Variants in ALK observed in about 807,000 individuals in gnomAD.
ALK encodes ALK receptor tyrosine kinase.
Under a neutral mutation model 163.1 loss-of-function variants are expected in ALK, and 74 were observed. The observed-to-expected ratio is 0.45, with a 90% CI of 0.38 to 0.55. The LOEUF (loss-of-function observed/expected upper bound fraction) is 0.55, where lower values mean the gene tolerates loss of function less well. Among genes scored for constraint, ALK ranks in the 20% least tolerant of loss-of-function variants. The pLI is 0.00. For synonymous variants in ALK, 960 were observed against 843.2 expected, an observed-to-expected ratio of 1.14 and a Z score of -2.40; for missense variants, 2,063 against 2,105.3, an observed-to-expected ratio of 0.98 and a Z score of 0.39.
intron 2 of ALK, among the ~76,000 whole-genome samples, chr2:29,701,997 A>G (rs1405552397): frequency 6.6e-6 from 1 of 152,060 alleles, no homozygotes; most frequent in African/African-American, 2.4e-5. Context: ...AGCCACAGAC[A>G]TGGACATGTC....
At chr2:29,914,675 C>T (rs1667786169) in intron 1 of ALK, among the ~76,000 whole-genome samples, 3 of 152,176 alleles carry the variant, frequency 2.0e-5, no homozygotes. Flanking sequence ...AATGATAAAG[C>T]TGGGCCTCAA....
chr2:29,358,383 A>C (rs1668302506), intron 5 of ALK, among the ~76,000 whole-genome samples: 1 of 152,228 alleles, frequency 6.6e-6, no homozygotes, highest in Non-Finnish European at 1.5e-5. Context: ...AGATGGAGAA[A>C]ACATCAGGTA....
rs1224362457 is a variant in ALK at position 29,532,067 on chromosome 2, C to G, written c.1002G>C (p.Leu334=). Residue 334 remains leucine, a synonymous_variant, in exon 4 of 29, where the codon CTG becomes CTC. Coordinates refer to ENST00000389048, the MANE Select transcript of ALK (RefSeq NM_004304.5). ...CACTGCTGCTCCTCATCCACGGACT[C>G]AGGATGGTGTGCTTGGAGTCAGCTG... ...NTSADSKHTI[L]SPWMRSSSEH... 6.2e-7 allele frequency: 1 copy of G among 1,613,940 alleles called. No individual in the cohort carries two copies. Among genetic ancestry groups the G allele is most frequent in the East Asian group, 2.2e-5 (1 of 44,836 alleles).
intron 1 of ALK, among the ~76,000 whole-genome samples, chr2:29,743,313 A>T (rs1324104712): frequency 6.6e-6 from 1 of 152,212 alleles, no homozygotes; most frequent in Non-Finnish European, 1.5e-5. Context: ...ATGATGTTCG[A>T]CTTGGAAACC....
intron 4 of ALK, among the ~76,000 whole-genome samples, chr2:29,445,881 C>T (rs532693981): frequency 6.6e-6 from 1 of 151,182 alleles, no homozygotes; most frequent in East Asian, 2.0e-4. Context: ...GGGCGGATCA[C>T]GAGGTCAGGA....
intron 5 of ALK, among the ~76,000 whole-genome samples, chr2:29,361,765 G>A (rs1395042361): frequency 6.6e-6 from 1 of 152,184 alleles, no homozygotes; most frequent in African/African-American, 2.4e-5. Flanking sequence ...GGTTGGCCAC[G>A]TGATCCTTGT....
intron 4 of ALK, among the ~76,000 whole-genome samples, chr2:29,384,723 G>A (rs1374653076): frequency 6.6e-6 from 1 of 151,964 alleles, no homozygotes. Context: ...AAATTACCTA[G>A]ATTATTTGAT....
chr2:29,238,671 C>T (rs1228013471), intron 13 of ALK, among the ~76,000 whole-genome samples: 2 of 152,184 alleles, frequency 1.3e-5, no homozygotes, highest in Non-Finnish European at 2.9e-5. Flanking sequence ...AGACCAGTCA[C>T]TCTCCCCACA....
intron 4 of ALK, among the ~76,000 whole-genome samples, chr2:29,510,279 C>T (rs891056818): frequency 6.6e-6 from 1 of 152,136 alleles, no homozygotes; most frequent in Non-Finnish European, 1.5e-5. Context: ...ATTCTTAAGT[C>T]CCCTTAAGAG....
intron 1 of ALK, among the ~76,000 whole-genome samples, chr2:29,888,141 G>A (rs1462174930): frequency 1.3e-5 from 2 of 151,930 alleles, no homozygotes; most frequent in African/African-American, 4.8e-5. Flanking sequence ...AGTAAATATT[G>A]ATGTCTTGGT....
chr2:29,757,273 C>T (rs2148334651), intron 1 of ALK, among the ~76,000 whole-genome samples: 1 of 152,314 alleles, frequency 6.6e-6, no homozygotes, highest in East Asian at 1.9e-4. Context: ...ACAGCTGGTA[C>T]TCCTGATCTC....
chr2:29,539,370 A>G (rs916007021), intron 3 of ALK, among the ~76,000 whole-genome samples: 2 of 152,142 alleles, frequency 1.3e-5, no homozygotes, highest in South Asian at 2.1e-4. Context: ...AAGTCTTGGT[A>G]TATGTTATCA....
At chr2:29,584,283 T>C (rs1201399493) in intron 3 of ALK, among the ~76,000 whole-genome samples, 1 of 152,196 alleles carries the variant, frequency 6.6e-6, no homozygotes, top group East Asian at 1.9e-4. Flanking sequence ...TAAACGATGT[T>C]CCCCTAATTT....
At chr2:29,901,856 T>C (rs1572485030) in intron 1 of ALK, among the ~76,000 whole-genome samples, 1 of 152,178 alleles carries the variant, frequency 6.6e-6, no homozygotes, top group African/African-American at 2.4e-5. Flanking sequence ...AAATAGTTTA[T>C]TGTGTTCCTC....
intron 1 of ALK, among the ~76,000 whole-genome samples, chr2:29,798,605 T>A (rs1296427946): frequency 6.6e-6 from 1 of 152,218 alleles, no homozygotes; most frequent in African/African-American, 2.4e-5. Context: ...ATGGTGAAGC[T>A]CTCGAGAGGT....
intron 4 of ALK, among the ~76,000 whole-genome samples, chr2:29,508,051 G>T (rs1251722507): frequency 6.6e-6 from 1 of 152,068 alleles, no homozygotes; most frequent in Non-Finnish European, 1.5e-5. Flanking sequence ...AGCATGTTTG[G>T]CCCCACCAAA....
intron 3 of ALK, among the ~76,000 whole-genome samples, chr2:29,594,818 T>A (rs540479205): frequency 6.9e-6 from 1 of 144,204 alleles, no homozygotes; most frequent in Non-Finnish European, 1.5e-5. Context: ...GGGGTGTGTG[T>A]GGGGGTTCTC....
At chr2:29,608,135 T>C (rs1675591599) in intron 3 of ALK, among the ~76,000 whole-genome samples, 1 of 152,194 alleles carries the variant, frequency 6.6e-6, no homozygotes, top group Admixed American at 6.5e-5. Flanking sequence ...CTCTGACAAC[T>C]CTCTATAAAT....
At chr2:29,617,216 C>T (rs768934424) in intron 3 of ALK, among the ~76,000 whole-genome samples, 3 of 152,182 alleles carry the variant, frequency 2.0e-5, no homozygotes, top group African/African-American at 4.8e-5. Context: ...GAGGAAATTA[C>T]ACCACACAGC....
Sources: gnomAD v4.1 joint callset for allele counts (sites outside exome capture counted in the v4.1 genomes callset) on GRCh38, gnomAD v4.1.1 for gene constraint, MANE v1.5 for transcripts, NCBI Gene and HGNC (gene_info 2026-07-23, HGNC 2026-07-21) for gene names.